Variants in GUCY2C observed in about 807,000 individuals in gnomAD.
The protein encoded by GUCY2C is guanylate cyclase 2C.
A neutral mutation model predicts 131.1 loss-of-function variants in GUCY2C; 118 were observed. That is an observed-to-expected ratio of 0.90 (90% CI 0.78 to 1.05). The LOEUF (loss-of-function observed/expected upper bound fraction) is 1.05, where lower values mean the gene tolerates loss of function less well. Ranked by LOEUF, GUCY2C falls within the 50% of genes least tolerant of loss-of-function variation. The pLI, the probability that GUCY2C is intolerant of heterozygous loss-of-function variation, is 0.00. For synonymous variants in GUCY2C, 452 were observed against 457.8 expected (o/e 0.99, Z 0.16); for missense variants, 1,161 against 1,304.4 (o/e 0.89, Z 1.69).
At chr12:14,694,785 A>G (rs1948629013) in intron 1 of GUCY2C, among the ~76,000 whole-genome samples, 1 of 152,232 alleles carries the variant, frequency 6.6e-6, no homozygotes, top group Admixed American at 6.5e-5. Flanking sequence ...GAGAAAATTA[A>G]GACATACCAT....
At chr12:14,651,333 T>A in intron 15 of GUCY2C, 74 bp downstream of exon 15, 1 of 765,570 alleles carries the variant, frequency 1.3e-6, no homozygotes, top group African/African-American at 1.7e-5. Context: ...ATTATTTTAC[T>A]CGGTAAATAT....
At chr12:14,620,041 A>G (rs1482858246) in intron 23 of GUCY2C, among the ~76,000 whole-genome samples, 1 of 152,220 alleles carries the variant, frequency 6.6e-6, no homozygotes, top group African/African-American at 2.4e-5. Flanking sequence ...ATGCCTGGCT[A>G]AAGATTCATC....
In GUCY2C at chr12:14,628,592, T is replaced by C. The variant is rs552150092; in HGVS notation, c.2249+54A>G. ...CTAAGGTGCCACTGAATGTCAACTA[T>C]AATTTTTTTAAAACCCTGCAATTAG... On this transcript the variant is annotated intron_variant, in intron 20 of 26. Coordinates refer to ENST00000261170, the MANE Select transcript of GUCY2C (RefSeq NM_004963.4). The C allele has an allele frequency of 1.4e-5, 13 of 958,350 alleles. No individual in the cohort carries two copies. In the East Asian group the frequency reaches 2.4e-4, roughly 18 times the overall value. 59.4% of individuals were successfully genotyped at this position (958,350 alleles called of 1,614,324 possible). A position where few individuals can be genotyped will look rare whatever the true frequency, so the allele number is the denominator to read the frequency against.
chr12:14,621,981 C>T lies in GUCY2C; in HGVS notation c.2601+24G>A, dbSNP rs763550521. 4 of 1,530,608 alleles carry T rather than the reference C, an allele frequency of 2.6e-6. No individual in the cohort carries two copies. The Admixed American group carries it at 6.0e-5, about 23-fold the overall frequency. The allele number at this position is 1,530,608 out of a possible 1,614,324, so 94.8% of individuals were successfully genotyped here. ...CCTTGAGTTGTACAATTAATGGTTT[C>T]AGCCTGTTAGGTGATGTGGTTACCT... is the stretch of plus-strand genomic sequence containing the variant. On this transcript the variant is annotated intron_variant, in intron 22 of 26. Coordinates refer to ENST00000261170, the MANE Select transcript of GUCY2C (RefSeq NM_004963.4).
Position 14,622,207 on chromosome 12 carries a change from C to G in GUCY2C, c.2409-10G>C, listed in dbSNP as rs777958744. ...AGACTTTACCACTAGCCTAGATGAA[C>G]GAAGGGAAAAAAAATGCCTTCAACT... On this transcript the variant is annotated splice_polypyrimidine_tract_variant and intron_variant, in intron 21 of 26. Transcript: ENST00000261170. 1 of 1,462,426 alleles carries G rather than the reference C, an allele frequency of 6.8e-7. No homozygotes were observed. The highest frequency in any genetic ancestry group is 2.7e-5 in the East Asian group (1 of 37,588). 90.6% of individuals were successfully genotyped at this position (1,462,426 alleles called of 1,614,324 possible).
Position 14,696,353 on chromosome 12 carries a change from AT to A in GUCY2C, c.95del (p.Asn32MetfsTer9). On this transcript the variant is annotated frameshift_variant, in exon 1 of 27. Coordinates refer to ENST00000261170, the MANE Select transcript of GUCY2C (RefSeq NM_004963.4). LOFTEE classifies it high-confidence loss of function. ...FSSQVSQNCH[N>X]GSYEISVLMM... ...TCAGGACGCTGATTTCATAGCTGCC[AT>A]TGTGGCAGTTCTGACTCACCTGGGA... 1 of 1,614,152 alleles carries A rather than the reference AT, an allele frequency of 6.2e-7. No homozygotes were observed. The highest frequency in any genetic ancestry group is 8.5e-7 in the Non-Finnish European group (1 of 1,180,008).
chr12:14,618,074 C>G (rs968576213), intron 24 of GUCY2C, among the ~76,000 whole-genome samples: 1 of 152,214 alleles, frequency 6.6e-6, no homozygotes, highest in African/African-American at 2.4e-5. Flanking sequence ...TTTCTCTCTT[C>G]TATATATTTC....
At chr12:14,685,131 G>A (rs971280685) in intron 3 of GUCY2C, among the ~76,000 whole-genome samples, 7 of 152,172 alleles carry the variant, frequency 4.6e-5, no homozygotes, top group Non-Finnish European at 7.3e-5. Flanking sequence ...TGCTTTGCAC[G>A]TAGAAGGTCT....
rs1946889892 is a variant in GUCY2C, at chr12:14,621,224, A to C, written c.2602-8T>G. 4.4e-6 allele frequency: 7 copies of C among 1,607,328 alleles called. No homozygotes were observed. The highest frequency in any genetic ancestry group is 1.7e-5 in the Admixed American group (1 of 59,820). On this transcript the variant is annotated splice_polypyrimidine_tract_variant and splice_region_variant and intron_variant, in intron 22 of 26. Transcript: ENST00000261170. ...ATCACCGATGGTTTCCACCTGTGGA[A>C]ACAGTTTCTCATGAGTGCCTCTGCC...
chr12:14,635,930 A>G (rs1470700271), intron 19 of GUCY2C, among the ~76,000 whole-genome samples: 1 of 152,194 alleles, frequency 6.6e-6, no homozygotes, highest in Non-Finnish European at 1.5e-5. Context: ...CATAGAATAC[A>G]TGAACAGACC....
intron 11 of GUCY2C, among the ~76,000 whole-genome samples, chr12:14,660,205 GT>G (rs1325741226): frequency 6.6e-6 from 1 of 152,232 alleles, no homozygotes; most frequent in Non-Finnish European, 1.5e-5. Flanking sequence ...CTGTTGTCTT[GT>G]TTAGCTAGGA....
intron 12 of GUCY2C, among the ~76,000 whole-genome samples, chr12:14,654,374 T>C (rs902804543): frequency 6.6e-6 from 1 of 152,214 alleles, no homozygotes; most frequent in African/African-American, 2.4e-5. Flanking sequence ...GTTTTCTCCA[T>C]GTCTACCTGA....
chr12:14,689,944 T>A (rs1320211649), intron 1 of GUCY2C, among the ~76,000 whole-genome samples: 2 of 152,222 alleles, frequency 1.3e-5, no homozygotes, highest in African/African-American at 4.8e-5. Context: ...AACAGTTAAT[T>A]ATCATCTATT....
chr12:14,628,346 T>C (rs897735693), intron 20 of GUCY2C, among the ~76,000 whole-genome samples: 1 of 152,220 alleles, frequency 6.6e-6, no homozygotes. Context: ...TTCTAAATCC[T>C]AATTACCCAC....
At chr12:14,654,081 C>T (rs1346112515) in intron 12 of GUCY2C, among the ~76,000 whole-genome samples, 1 of 152,198 alleles carries the variant, frequency 6.6e-6, no homozygotes, top group African/African-American at 2.4e-5. Context: ...GTGAAATTCT[C>T]TTGCTAGCTA....
Position 14,662,439 on chromosome 12 carries a change from G to T in GUCY2C, c.1283-1377C>A, listed in dbSNP as rs146768291. 3.9e-5 allele frequency among the ~76,000 whole-genome samples: 6 copies of T among 152,030 alleles called. No homozygotes were observed. The South Asian group carries it at 6.2e-4, about 16-fold the overall frequency. The stretch of plus-strand genomic sequence containing the variant: ...ACCTGTAATCCCAGCACTTTGGGGG[G>T]GCTGAGGGGCCGATCACCTGAGGTC... On this transcript the variant is annotated intron_variant, in intron 10 of 26. Transcript: ENST00000261170.
Position 14,674,671 on chromosome 12 carries a change from A to C in GUCY2C, c.1038T>G (p.Ile346Met), listed in dbSNP as rs748419803. The part of the protein sequence containing the change: ...LKIFLENGEN[I>M]TTPKFAHAFR... The stretch of plus-strand genomic sequence containing the variant: ...AAGCATGAGCAAATTTGGGGGTGGT[A>C]ATATTTTCTCCATTTTCAAGAAATA... The change falls in exon 8 of 27, where the codon ATT (isoleucine) becomes ATG (methionine). Residue 346 changes from isoleucine to methionine, a missense_variant. Ile to Met is a conservative substitution (Grantham distance 10). Coordinates refer to ENST00000261170, the MANE Select transcript of GUCY2C (RefSeq NM_004963.4). 1 of 1,613,282 alleles carries C rather than the reference A, an allele frequency of 6.2e-7. No homozygotes were observed. Among genetic ancestry groups the C allele is most frequent in the South Asian group, 1.1e-5 (1 of 91,064 alleles).
At chr12:14,678,496 T>C (rs1385262107) in intron 6 of GUCY2C, among the ~76,000 whole-genome samples, 1 of 152,138 alleles carries the variant, frequency 6.6e-6, no homozygotes, top group Non-Finnish European at 1.5e-5. Context: ...ATCAATGAGG[T>C]TCTTGGAGTG....
At chr12:14,617,997 ACACTACCAAAATAC>A (rs1946805143) in intron 24 of GUCY2C, among the ~76,000 whole-genome samples, 1 of 152,132 alleles carries the variant, frequency 6.6e-6, no homozygotes, top group African/African-American at 2.4e-5. Context: ...CATTGTCAGT[ACACTACCAAAATAC>A]CATCCTGCCT....
Sources: gnomAD v4.1 joint callset for allele counts (sites outside exome capture counted in the v4.1 genomes callset) on GRCh38, gnomAD v4.1.1 for gene constraint, MANE v1.5 for transcripts, NCBI Gene and HGNC (gene_info 2026-07-23, HGNC 2026-07-21) for gene names.